SAMTOR: variants seen among roughly 807,000 people sequenced by gnomAD.
SAMTOR encodes UPF0532 protein C7orf60.
chr7:112,861,806 T>C, the SAMTOR span, among the ~76,000 whole-genome samples: 3 of 152,206 alleles, frequency 2.0e-5, no homozygotes, highest in Admixed American at 2.0e-4. Context: ...TAAAGTCCCC[T>C]TTTTAAAAAA....
chr7:112,919,286 T>C, the SAMTOR span, among the ~76,000 whole-genome samples: 1 of 152,106 alleles, frequency 6.6e-6, no homozygotes, highest in African/African-American at 2.4e-5. Context: ...AACTCAGGAT[T>C]AAGAAACTCA....
the SAMTOR span, among the ~76,000 whole-genome samples, chr7:112,881,893 A>C: frequency 6.6e-6 from 1 of 152,210 alleles, no homozygotes; most frequent in African/African-American, 2.4e-5. Flanking sequence ...CAGGAGGCTG[A>C]AATGGCCCCC....
chr7:112,897,666 A>T, the SAMTOR span, among the ~76,000 whole-genome samples: 8 of 152,218 alleles, frequency 5.3e-5, no homozygotes, highest in Admixed American at 5.2e-4. Flanking sequence ...TTTACTTGTT[A>T]TTGAAAAAAT....
the SAMTOR span, among the ~76,000 whole-genome samples, chr7:112,932,452 G>C: frequency 3.3e-5 from 5 of 151,892 alleles, no homozygotes; most frequent in African/African-American, 1.2e-4. Context: ...AGAAAACATG[G>C]GTATCCACAA....
chr7:112,908,791 G>C, the SAMTOR span, among the ~76,000 whole-genome samples: 1 of 152,138 alleles, frequency 6.6e-6, no homozygotes, highest in Non-Finnish European at 1.5e-5. Context: ...CCGGTGTAAT[G>C]CCTATATGAC....
chr7:112,874,574 A>C, the SAMTOR span, among the ~76,000 whole-genome samples: 1 of 152,124 alleles, frequency 6.6e-6, no homozygotes, highest in Non-Finnish European at 1.5e-5. Context: ...GTATCAAGAG[A>C]AGCCCAAACC....
the SAMTOR span, among the ~76,000 whole-genome samples, chr7:112,922,226 G>A: frequency 1.9e-4 from 29 of 152,322 alleles, no homozygotes; most frequent in African/African-American, 6.0e-4. Context: ...CCGAGGTGCC[G>A]GGATTGCAGA....
the SAMTOR span, among the ~76,000 whole-genome samples, chr7:112,889,781 C>G: frequency 6.6e-6 from 1 of 152,088 alleles, no homozygotes; most frequent in African/African-American, 2.4e-5. Context: ...AGGATCTGTC[C>G]TATCTTTGCC....
At chr7:112,832,351 GT>G in the SAMTOR span, among the ~76,000 whole-genome samples, 1 of 151,906 alleles carries the variant, frequency 6.6e-6, no homozygotes, top group South Asian at 2.1e-4. Context: ...CTCTAACATA[GT>G]TTTAGATTAT....
chr7:112,823,599 T>C, the SAMTOR span, among the ~76,000 whole-genome samples: 3 of 152,198 alleles, frequency 2.0e-5, no homozygotes, highest in Non-Finnish European at 4.4e-5. Flanking sequence ...TTGTTTCTAG[T>C]TTTGGTTATT....
chr7:112,935,519 G>T, the SAMTOR span, among the ~76,000 whole-genome samples: 1 of 152,066 alleles, frequency 6.6e-6, no homozygotes, highest in Non-Finnish European at 1.5e-5. Context: ...TAATTCACCT[G>T]TTAAGATCAC....
At chr7:112,922,009 G>A in the SAMTOR span, among the ~76,000 whole-genome samples, 280 of 151,902 alleles carry the variant, frequency 1.8e-3, 2 homozygotes, top group African/African-American at 6.4e-3. Context: ...ATGCCGAGCC[G>A]AAGCTGGACT....
the SAMTOR span, among the ~76,000 whole-genome samples, chr7:112,877,216 A>C: frequency 1.3e-5 from 2 of 152,326 alleles, no homozygotes; most frequent in Non-Finnish European, 2.9e-5. Flanking sequence ...CTAGGAGCTA[A>C]GTTATCCACA....
At chr7:112,834,841 G>C in the SAMTOR span, among the ~76,000 whole-genome samples, 1 of 151,940 alleles carries the variant, frequency 6.6e-6, no homozygotes, top group African/African-American at 2.4e-5. Flanking sequence ...CATTGTATGG[G>C]CATTTTATCA....
chr7:112,921,369 G>T, the SAMTOR span, among the ~76,000 whole-genome samples: 2 of 151,026 alleles, frequency 1.3e-5, no homozygotes, highest in East Asian at 3.9e-4. Flanking sequence ...TTTAATAAAT[G>T]GTGCTGGGAA....
At chr7:112,872,871 C>T in the SAMTOR span, among the ~76,000 whole-genome samples, 1 of 150,940 alleles carries the variant, frequency 6.6e-6, no homozygotes, top group Non-Finnish European at 1.5e-5. Context: ...GGCCATTCTA[C>T]ACCAGTAACA....
the SAMTOR span, among the ~76,000 whole-genome samples, chr7:112,883,405 G>C: frequency 6.6e-6 from 1 of 152,004 alleles, no homozygotes; most frequent in South Asian, 2.1e-4. Flanking sequence ...GAGTACTAAA[G>C]AACTCAAATT....
the SAMTOR span, among the ~76,000 whole-genome samples, chr7:112,910,263 T>C: frequency 6.6e-6 from 1 of 152,160 alleles, no homozygotes. Flanking sequence ...CTAACTGTAA[T>C]TGACTATTAT....
the SAMTOR span, among the ~76,000 whole-genome samples, chr7:112,912,092 A>C: frequency 1.3e-5 from 2 of 151,874 alleles, no homozygotes; most frequent in Non-Finnish European, 2.9e-5. Flanking sequence ...GAACTTATGA[A>C]CTAAGTATTT....
Sources: gnomAD v4.1 joint callset for allele counts (sites outside exome capture counted in the v4.1 genomes callset) on GRCh38, gnomAD v4.1.1 for gene constraint, MANE v1.5 for transcripts, NCBI Gene and HGNC (gene_info 2026-07-23, HGNC 2026-07-21) for gene names.